The following TNFRSF17 variants were observed in gnomAD, a reference collection of about 807,000 sequenced individuals.
TNFRSF17 encodes the protein tumor necrosis factor receptor superfamily member 17.
Under a neutral mutation model 9.9 loss-of-function variants are expected in TNFRSF17, and 13 were observed. That is an observed-to-expected ratio of 1.31 (90% CI 0.85 to 2.08). The LOEUF is 2.08. TNFRSF17 is among the 30% of genes most tolerant of loss of function. TNFRSF17 has a pLI of 0.00. For missense variants in TNFRSF17, 305 were observed against 225.8 expected (o/e 1.35, Z -2.25); for synonymous variants, 99 against 83.7 (o/e 1.18, Z -1.00).
rs913493693 is a variant in TNFRSF17, at chr16:11,966,260, A to G, written c.196A>G (p.Ile66Val). ...GACCTGTTTGGGACTGAGCTTAATA[A>G]TTTCTTTGGCAGTTTTCGTGCTAAT... ...LWTCLGLSLI[I>V]SLAVFVLMFL... is the part of the protein sequence containing the mutation. The change falls in exon 2 of 3, where the codon ATT becomes GTT. Residue 66 changes from isoleucine to valine, a missense_variant. Transcript: ENST00000053243. 11 of 1,613,916 alleles carry G rather than the reference A, an allele frequency of 6.8e-6. No homozygotes were observed. In the African/African-American group the frequency reaches 8.0e-5, roughly 12 times the overall value.
intron 2 of TNFRSF17, chr16:11,967,130 A>G (rs1286351879): frequency 5.1e-6 from 1 of 194,524 alleles, no homozygotes; most frequent in African/African-American, 2.4e-5. Context: ...CCTCCTGAGT[A>G]ACTGGGACTA....
intron 2 of TNFRSF17, among the ~76,000 whole-genome samples, chr16:11,966,859 C>G (rs1415759281): frequency 9.2e-5 from 14 of 152,026 alleles, no homozygotes; most frequent in Admixed American, 9.2e-4. Context: ...AATAGAGAAC[C>G]AGTCCCAGAA....
At chr16:11,967,450 C>G in intron 2 of TNFRSF17, 120 bp from the exon 3 acceptor site, 1 of 1,042,706 alleles carries the variant, frequency 9.6e-7, no homozygotes, top group Non-Finnish European at 1.4e-6. Context: ...TAAGACCCCA[C>G]CTCTAAAAAA....
rs118120349 is a variant in TNFRSF17 at position 11,965,421 on chromosome 16, C to T, written c.97C>T (p.Pro33Ser). The change falls in exon 1 of 3, where the codon CCT becomes TCT. Residue 33 changes from proline to serine, a missense_variant. Coordinates refer to ENST00000053243, the MANE Select transcript of TNFRSF17 (RefSeq NM_001192.3). ...PCQLRCSSNTPPLTCQRYCNA... is the reference protein window; with the variant it reads ...PCQLRCSSNTSPLTCQRYCNA... Reference sequence around the variant, plus strand: ...TCAACTTCGATGTTCTTCTAATACTCCTCCTCTAACATGTCAGCGTTATTG... The same window carrying T: ...TCAACTTCGATGTTCTTCTAATACTTCTCCTCTAACATGTCAGCGTTATTG... The T allele has an allele frequency of 2.4e-5, 39 of 1,614,030 alleles. No individual in the cohort carries two copies. Among genetic ancestry groups the T allele is most frequent in the Non-Finnish European group, 3.1e-5 (37 of 1,179,948 alleles).
At chr16:11,966,541 A>C (rs2055195658) in intron 2 of TNFRSF17, among the ~76,000 whole-genome samples, 200 bp downstream of exon 2, 1 of 152,182 alleles carries the variant, frequency 6.6e-6, no homozygotes, top group African/African-American at 2.4e-5. Flanking sequence ...ATTTTCTACA[A>C]TGTCAGTCTT....
At position 11,966,182 on chromosome 16, in the gene TNFRSF17, TC is replaced by T; in HGVS notation, c.131-12del. On this transcript the variant is annotated splice_polypyrimidine_tract_variant and intron_variant, in intron 1 of 2. Transcript: ENST00000053243. ...TATCAGCTCATTATCTGTCTGATGT[TC>T]TTTTCATAAAGGTGTGACCAATTCA... 6.2e-7 allele frequency: 1 copy of T among 1,603,696 alleles called. No individual in the cohort carries two copies. The highest frequency in any genetic ancestry group is 8.5e-7 in the Non-Finnish European group (1 of 1,173,948).
chr16:11,966,076 A>G, intron 1 of TNFRSF17, 119 bp from the exon 2 acceptor site: 12 of 1,043,822 alleles, frequency 1.1e-5, no homozygotes, highest in Non-Finnish European at 1.6e-5. Context: ...GCGCCACTGC[A>G]CTCTAGCCTG....
In TNFRSF17 at chr16:11,966,287, T is replaced by C. The variant is rs11570148; in HGVS notation, c.223T>C (p.Phe75Leu). 1.5e-5 allele frequency: 24 copies of C among 1,613,974 alleles called. No homozygotes were observed. Among genetic ancestry groups the C allele is most frequent in the Non-Finnish European group, 1.9e-5 (23 of 1,179,926 alleles). The change falls in exon 2 of 3, where the codon TTT becomes CTT. Residue 75 changes from phenylalanine (F) to leucine (L), a missense_variant. Transcript: ENST00000053243. ...TTCTTTGGCAGTTTTCGTGCTAATG[T>C]TTTTGCTAAGGAAGATAAACTCTGA... is the stretch of plus-strand genomic sequence containing the variant. ...IISLAVFVLM[F>L]LLRKINSEPL... is the part of the protein sequence containing the mutation.
chr16:11,966,236 ACCTG>A lies in TNFRSF17; in HGVS notation c.173_176del (p.Thr58IlefsTer4). On this transcript the variant is annotated frameshift_variant, in exon 2 of 3. Transcript: ENST00000053243. LOFTEE classifies it high-confidence loss of function. ...GAAAGGAACGAATGCGATTCTCTGG[ACCTG>A]TTTGGGACTGAGCTTAATAATTTCT... 1.2e-6 allele frequency: 2 copies of A among 1,613,842 alleles called. No homozygotes were observed. Among genetic ancestry groups the A allele is most frequent in the Non-Finnish European group, 1.7e-6 (2 of 1,179,862 alleles).
chr16:11,967,026 A>G, intron 2 of TNFRSF17: 1 of 195,888 alleles, frequency 5.1e-6, no homozygotes, highest in Non-Finnish European at 1.0e-5. Flanking sequence ...TTAGAGATGG[A>G]GTCTCGCTCT....
intron 1 of TNFRSF17, among the ~76,000 whole-genome samples, chr16:11,965,810 T>C (rs1328544117): frequency 6.6e-6 from 1 of 152,156 alleles, no homozygotes; most frequent in Non-Finnish European, 1.5e-5. Flanking sequence ...TTTAGCAAAA[T>C]AATCAAGTAT....
intron 1 of TNFRSF17, 71 bp downstream of exon 1, chr16:11,965,525 G>A: frequency 6.7e-7 from 1 of 1,483,154 alleles, no homozygotes; most frequent in South Asian, 1.3e-5. Flanking sequence ...CTTATTCAGA[G>A]AATCAACATA....
At chr16:11,965,826 C>A (rs1038535291) in intron 1 of TNFRSF17, among the ~76,000 whole-genome samples, 2 of 152,040 alleles carry the variant, frequency 1.3e-5, no homozygotes, top group African/African-American at 4.8e-5. Flanking sequence ...AGTATGACAG[C>A]CGGGTGCGGT....
chr16:11,966,413 T>C, intron 2 of TNFRSF17, 72 bp downstream of exon 2: 1 of 1,480,372 alleles, frequency 6.8e-7, no homozygotes, highest in Admixed American at 2.0e-5. Context: ...TCCTTTTCTT[T>C]TTTTAGCGTT....
chr16:11,965,451 G>C lies in TNFRSF17; in HGVS notation c.127G>C (p.Ala43Pro). The change falls in exon 1 of 3, where the codon GCA becomes CCA. Residue 43 changes from alanine (A) to proline (P), a missense_variant. Ala to Pro is a conservative substitution (Grantham distance 27, BLOSUM62 -1). Transcript: ENST00000053243. Reference sequence around the variant, plus strand: ...TCTAACATGTCAGCGTTATTGTAATGCAAGTAAGTAATATTGCTTGAACGA... The same window carrying C: ...TCTAACATGTCAGCGTTATTGTAATCCAAGTAAGTAATATTGCTTGAACGA... ...PPLTCQRYCN[A>P]SVTNSVKGTN... 6.2e-7 allele frequency: 1 copy of C among 1,613,982 alleles called. No individual in the cohort carries two copies. Among genetic ancestry groups the C allele is most frequent in the Non-Finnish European group, 8.5e-7 (1 of 1,179,942 alleles).
In TNFRSF17 at chr16:11,968,043, C is replaced by T; in HGVS notation, c.*196C>T. ...TTAATGGTAGAAACTTCCTTGGTTT[C>T]ATGATTAAACTCTTTTTTTTCCTGA... On this transcript the variant is annotated 3_prime_UTR_variant, in exon 3 of 3. Transcript: ENST00000053243. 1.8e-6 allele frequency: 1 copy of T among 552,452 alleles called. No homozygotes were observed. The highest frequency in any genetic ancestry group is 2.9e-6 in the Non-Finnish European group (1 of 339,114). The allele number at this position is 552,452 out of a possible 1,614,324, so 34.2% of individuals were successfully genotyped here.
At position 11,967,562 on chromosome 16, in the gene TNFRSF17, A is replaced by G. The variant is rs191777818; in HGVS notation, c.278-8A>G. On this transcript the variant is annotated splice_region_variant and splice_polypyrimidine_tract_variant and intron_variant, in intron 2 of 2. Coordinates refer to ENST00000053243, the MANE Select transcript of TNFRSF17 (RefSeq NM_001192.3). ...TTTGGGTTAATGTTTCCGTTTCTAC[A>G]TAATTAGGATCAGGTCTCCTGGGCA... 1.2e-6 allele frequency: 2 copies of G among 1,607,084 alleles called. No homozygotes were observed. Among genetic ancestry groups the G allele is most frequent in the Non-Finnish European group, 1.7e-6 (2 of 1,175,264 alleles).
At chr16:11,966,493 G>C (rs942887062) in intron 2 of TNFRSF17, 152 bp downstream of exon 2, 7 of 785,840 alleles carry the variant, frequency 8.9e-6, no homozygotes, top group Non-Finnish European at 3.8e-6. Context: ...ACTTGGTAGA[G>C]GTGAGCCATC....
intron 1 of TNFRSF17, 115 bp from the exon 2 acceptor site, chr16:11,966,080 T>C (rs3916675): frequency 0.069 from 77,261 of 1,124,558 alleles, 4,510 homozygotes; most frequent in Admixed American, 0.24. Context: ...CACTGCACTC[T>C]AGCCTGGGCA....
Sources: allele counts gnomAD v4.1 joint callset (sites outside exome capture counted in the v4.1 genomes callset), GRCh38; gene constraint gnomAD v4.1.1; transcripts MANE v1.5; gene names NCBI Gene and HGNC (gene_info 2026-07-23, HGNC 2026-07-21).